The following LMCD1 variants were observed in gnomAD, a reference collection of about 807,000 sequenced individuals.
LMCD1 encodes the protein LIM and cysteine-rich domains protein 1.
LMCD1 carries 32 observed loss-of-function variants against 42.7 expected under a neutral mutation model. The observed-to-expected ratio is 0.75, with a 90% CI of 0.57 to 1.01. The LOEUF (loss-of-function observed/expected upper bound fraction) is 1.01. Ranked by LOEUF, LMCD1 falls within the 50% of genes least tolerant of loss-of-function variation. LMCD1 has a pLI of 0.00. For synonymous variants in LMCD1, 178 were observed against 184.9 expected (o/e 0.96, Z 0.30); for missense variants, 458 against 483.1 (o/e 0.95, Z 0.49).
At position 8,565,592 on chromosome 3, in the gene LMCD1, G is replaced by A; in HGVS notation, c.884G>A (p.Trp295Ter). Residue 295 changes from tryptophan to a stop codon, truncating the protein, a stop_gained, in exon 5 of 6, where the codon TGG becomes TAG. Transcript: ENST00000157600. LOFTEE classifies it high-confidence loss of function. The part of the protein sequence containing the change: ...LIYFWKDGAP[W>*]CGRHYCESLR... ...TACTTCTGGAAGGATGGTGCACCCT[G>A]GTGCGGCCGCCATTACTGCGAGAGT... 1.9e-6 allele frequency: 3 copies of A among 1,609,214 alleles called. No individual in the cohort carries two copies. Among genetic ancestry groups the A allele is most frequent in the Non-Finnish European group, 2.5e-6 (3 of 1,178,356 alleles).
chr3:8,567,723 A>G lies in LMCD1; in HGVS notation c.*125A>G. On this transcript the variant is annotated 3_prime_UTR_variant, in exon 6 of 6. Transcript: ENST00000157600. Reference sequence around the variant, plus strand: ...TGAAATAAACAATGATTTGCTTTTCAGTGAGAATATATATATGAGATATAT... The same window carrying G: ...TGAAATAAACAATGATTTGCTTTTCGGTGAGAATATATATATGAGATATAT... 1.1e-6 allele frequency: 1 copy of G among 921,460 alleles called. No individual in the cohort carries two copies. The highest frequency in any genetic ancestry group is 1.6e-5 in the South Asian group (1 of 61,680). 57.1% of individuals were successfully genotyped at this position (921,460 alleles called of 1,614,324 possible).
In LMCD1 at chr3:8,565,481, A is replaced by C; in HGVS notation, c.773A>C (p.Tyr258Ser). 6.2e-7 allele frequency: 1 copy of C among 1,614,042 alleles called. No individual in the cohort carries two copies. Among genetic ancestry groups the C allele is most frequent in the South Asian group, 1.1e-5 (1 of 91,070 alleles). ...GAAPPDSPVVYSDRAGYNKQW... is the reference protein window; with the variant it reads ...GAAPPDSPVVSSDRAGYNKQW... Reference sequence around the variant, plus strand: ...GCCCCTCCTGACAGCCCCGTGGTCTACTCGGACAGGGCAGGCTACAACAAG... The same window carrying C: ...GCCCCTCCTGACAGCCCCGTGGTCTCCTCGGACAGGGCAGGCTACAACAAG... Residue 258 changes from tyrosine (Y) to serine (S), a missense_variant, in exon 5 of 6, where the codon TAC (tyrosine) becomes TCC (serine). Physicochemically the swap from Tyr to Ser is moderately radical, Grantham distance 144. Coordinates refer to ENST00000157600, the MANE Select transcript of LMCD1 (RefSeq NM_014583.4).
intron 3 of LMCD1, among the ~76,000 whole-genome samples, chr3:8,548,125 T>C (rs538365216): frequency 6.6e-6 from 1 of 152,334 alleles, no homozygotes; most frequent in South Asian, 2.1e-4. Context: ...CACTATGGTA[T>C]ATGTGGCCCA....
At chr3:8,558,023 T>G (rs1694958020) in intron 4 of LMCD1, among the ~76,000 whole-genome samples, 1 of 152,154 alleles carries the variant, frequency 6.6e-6, no homozygotes, top group Non-Finnish European at 1.5e-5. Flanking sequence ...TACCAAGACT[T>G]CTTTCCTGTC....
At position 8,539,782 on chromosome 3, in the gene LMCD1, C is replaced by A. The variant is rs1017982594; in HGVS notation, c.387+2342C>A. On this transcript the variant is annotated intron_variant, in intron 3 of 5. Transcript: ENST00000157600. ...TTGGACAACTCCCCCTTCCCACTCA[C>A]CTTCCCAACATTTTTATTATTATTA... Among the ~76,000 whole-genome samples the A allele has an allele frequency of 6.1e-5, 9 of 148,392 alleles. No homozygotes were observed. In the East Asian group the frequency reaches 1.8e-3, roughly 29 times the overall value.
chr3:8,564,997 CAT>C (rs1223190768), intron 4 of LMCD1, among the ~76,000 whole-genome samples: 6 of 152,052 alleles, frequency 3.9e-5, no homozygotes, highest in Non-Finnish European at 7.4e-5. Flanking sequence ...TGTTTTGAAA[CAT>C]ATAGTTATTT....
intron 1 of LMCD1, among the ~76,000 whole-genome samples, chr3:8,510,262 G>A (rs1196669261): frequency 6.6e-6 from 1 of 152,182 alleles, no homozygotes; most frequent in Non-Finnish European, 1.5e-5. Flanking sequence ...CTGGAGGAGA[G>A]CCACCCCTCC....
At chr3:8,549,936 C>G (rs909989418) in intron 4 of LMCD1, 10 of 899,188 alleles carry the variant, frequency 1.1e-5, no homozygotes, top group Admixed American at 4.0e-5. Context: ...TTAATCCATT[C>G]CTGAGGACCT....
At chr3:8,537,820 G>C (rs1456374287) in intron 3 of LMCD1, among the ~76,000 whole-genome samples, 1 of 152,160 alleles carries the variant, frequency 6.6e-6, no homozygotes, top group Non-Finnish European at 1.5e-5. Context: ...CCTGGGATAT[G>C]CCCTTTGCAA....
chr3:8,552,755 A>G (rs1261140203), intron 4 of LMCD1, among the ~76,000 whole-genome samples: 4 of 151,942 alleles, frequency 2.6e-5, no homozygotes, highest in Non-Finnish European at 5.9e-5. Flanking sequence ...ATGGAGTCTC[A>G]CTCTGTCGCC....
chr3:8,540,486 C>G (rs1170413342), intron 3 of LMCD1, among the ~76,000 whole-genome samples: 1 of 152,138 alleles, frequency 6.6e-6, no homozygotes, highest in East Asian at 1.9e-4. Flanking sequence ...TGCAGCTAGC[C>G]CAATGTCCCA....
Position 8,565,650 on chromosome 3 carries a change from G to A in LMCD1, c.939+3G>A. 1.9e-6 allele frequency: 3 copies of A among 1,588,910 alleles called. No homozygotes were observed. Among genetic ancestry groups the A allele is most frequent in the Middle Eastern group, 2.1e-4 (1 of 4,720 alleles). ...CCCGGTGCTCCGGCTGCGATGAGGTGGGAGATAGCCGCGAGATGGGTTAGG... is the reference window on the plus strand; with the variant it reads ...CCCGGTGCTCCGGCTGCGATGAGGTAGGAGATAGCCGCGAGATGGGTTAGG... On this transcript the variant is annotated splice_donor_region_variant and intron_variant, in intron 5 of 5. Transcript: ENST00000157600.
At chr3:8,551,344 C>A (rs1021600760) in intron 4 of LMCD1, 1 of 985,238 alleles carries the variant, frequency 1.0e-6, no homozygotes, top group Non-Finnish European at 1.2e-6. Context: ...GCGGACGGTG[C>A]GATTCCAGTT....
intron 4 of LMCD1, among the ~76,000 whole-genome samples, chr3:8,562,390 A>G (rs905449607): frequency 6.6e-6 from 1 of 152,140 alleles, no homozygotes; most frequent in Admixed American, 6.5e-5. Flanking sequence ...CCCTTCAGAC[A>G]ATTCCCTGAG....
chr3:8,517,801 C>A (rs1049706540), intron 1 of LMCD1, among the ~76,000 whole-genome samples: 1 of 152,022 alleles, frequency 6.6e-6, no homozygotes, highest in East Asian at 1.9e-4. Flanking sequence ...GTTGTGGTTA[C>A]CATCTAATTT....
intron 1 of LMCD1, among the ~76,000 whole-genome samples, chr3:8,503,058 A>G (rs1297133822): frequency 1.3e-5 from 2 of 152,160 alleles, no homozygotes; most frequent in African/African-American, 4.8e-5. Flanking sequence ...GGATAGGCCT[A>G]ACCTCCCTCA....
chr3:8,557,323 G>A (rs1250274958), intron 4 of LMCD1, among the ~76,000 whole-genome samples: 1 of 152,212 alleles, frequency 6.6e-6, no homozygotes, highest in East Asian at 1.9e-4. Context: ...ATGGAGAGAT[G>A]CTGTTTATAA....
rs553408244 is a variant in LMCD1, at chr3:8,560,331, A to AAGCC, written c.724-5099_724-5096dup. On this transcript the variant is annotated intron_variant, in intron 4 of 5. Transcript: ENST00000157600. ...AGTCCCAACCCATAACCTGGGTTCA[A>AAGCC]AGCCACCCATGATCACCCTAAACTG... Among the ~76,000 whole-genome samples the AAGCC allele has an allele frequency of 4.3e-4, 65 of 152,274 alleles. No individual in the cohort carries two copies. In the South Asian group the frequency reaches 8.1e-3, roughly 19 times the overall value.
intron 4 of LMCD1, among the ~76,000 whole-genome samples, chr3:8,561,611 G>A (rs1031248076): frequency 5.9e-5 from 9 of 152,200 alleles, no homozygotes; most frequent in African/African-American, 2.2e-4. Flanking sequence ...TTTGGAGTCA[G>A]GTTTGGCCTT....
Sources: allele counts gnomAD v4.1 joint callset (sites outside exome capture counted in the v4.1 genomes callset), GRCh38; gene constraint gnomAD v4.1.1; transcripts MANE v1.5; gene names NCBI Gene and HGNC (gene_info 2026-07-23, HGNC 2026-07-21).